Variants in LRATD1 observed in about 807,000 individuals in gnomAD.
LRATD1 encodes the protein LRAT domain containing 1, also known as protein LRATD1.
A neutral mutation model predicts 21.3 loss-of-function variants in LRATD1; 8 were observed. That is an observed-to-expected ratio of 0.38 (90% confidence interval 0.22 to 0.68). LRATD1 has a LOEUF of 0.68. Among genes scored for constraint, LRATD1 ranks in the 30% least tolerant of loss-of-function variants. The pLI is 0.54. For missense variants in LRATD1, 380 were observed against 404.0 expected (o/e 0.94, Z 0.51); for synonymous variants, 210 against 186.2 (o/e 1.13, Z -1.04).
At chr2:14,646,500 T>C (rs1671897379) in intron 4 of LRATD1, 1 of 152,178 alleles carries the variant, frequency 6.6e-6, no homozygotes, top group African/African-American at 2.4e-5. Context: ...TATTCATCAA[T>C]AAATACTATG....
chr2:14,636,115 G>A lies in LRATD1; in HGVS notation c.*1257G>A, dbSNP rs927599450. 3.4e-5 allele frequency: 6 copies of A among 176,512 alleles called. No individual in the cohort carries two copies. Among genetic ancestry groups the A allele is most frequent in the Non-Finnish European group, 6.8e-5 (5 of 73,068 alleles). 10.9% of individuals were successfully genotyped at this position (176,512 alleles called of 1,614,324 possible). A position where few individuals can be genotyped will look rare whatever the true frequency, so the allele number is the denominator to read the frequency against. ...TGTAGCTAAGAGCTTAGCTAACATT[G>A]CCTTTTCACTCTATTTTTCTCAGAT... is the stretch of plus-strand genomic sequence containing the variant. On this transcript the variant is annotated 3_prime_UTR_variant, in exon 2 of 2. Coordinates refer to ENST00000295092, the MANE Select transcript of LRATD1 (RefSeq NM_145175.4).
In LRATD1 at chr2:14,634,747, C is replaced by G; in HGVS notation, c.768C>G (p.Thr256=). 6.4e-7 allele frequency: 1 copy of G among 1,573,374 alleles called. No individual in the cohort carries two copies. The highest frequency in any genetic ancestry group is 2.3e-5 in the East Asian group (1 of 44,216). ...ACCTGGGAGAGAACAAGGTCCACAC[C>G]GCCAGGTTTCACAGCCTGGAAGACC... ...KVHLGENKVH[T]ARFHSLEDLI... The change falls in exon 2 of 2, where the codon ACC becomes ACG. Residue 256 remains threonine, a synonymous_variant. Transcript: ENST00000295092.
rs1671754507 is a variant in LRATD1, at chr2:14,639,077, T to C, written c.*4219T>C. On this transcript the variant is annotated 3_prime_UTR_variant, in exon 2 of 2. Transcript: ENST00000295092. The stretch of plus-strand genomic sequence containing the variant: ...ACTTGTGTACACATACATTTTTGCC[T>C]ATAGCTAGCAATTATTTCATTCAGA... The C allele has an allele frequency of 6.0e-6, 1 of 165,550 alleles. No homozygotes were observed. The highest frequency in any genetic ancestry group is 6.6e-5 in the Admixed American group (1 of 15,138). 10.3% of individuals were successfully genotyped at this position (165,550 alleles called of 1,614,324 possible). A position where few individuals can be genotyped will look rare whatever the true frequency, so the allele number is the denominator to read the frequency against.
chr2:14,634,665 G>A lies in LRATD1; in HGVS notation c.686G>A (p.Gly229Glu). The A allele has an allele frequency of 6.4e-7, 1 of 1,554,414 alleles. No homozygotes were observed. The highest frequency in any genetic ancestry group is 8.7e-7 in the Non-Finnish European group (1 of 1,148,202). The change falls in exon 2 of 2, where the codon GGA becomes GAA. Residue 229 changes from glycine (G) to glutamate (E), a missense_variant. Coordinates refer to ENST00000295092, the MANE Select transcript of LRATD1 (RefSeq NM_145175.4). ...TTTGGCAAGCGGGAGTTCAAGGCGG[G>A]AGGGGAGGTGCCGGCAGGCACGCAG... ...CRFGKREFKA[G>E]GEVPAGTQPP...
At position 14,633,250 on chromosome 2, in the gene LRATD1, C is replaced by T. The variant is rs1472990059; in HGVS notation, c.-37+313C>T. On this transcript the variant is annotated intron_variant, in intron 1 of 1. Coordinates refer to ENST00000295092, the MANE Select transcript of LRATD1 (RefSeq NM_145175.4). The surrounding 1 kb of genome is among the most constrained non-coding windows in gnomAD (Gnocchi z 7.5). Reference sequence around the variant, plus strand: ...GGGCAGGTGTGCCCGGGTGCTTGGGCGTACGTGCAACGGCGAGCGTGCAAG... The same window carrying T: ...GGGCAGGTGTGCCCGGGTGCTTGGGTGTACGTGCAACGGCGAGCGTGCAAG... Among the ~76,000 whole-genome samples, 2 of 152,168 alleles carry T rather than the reference C, an allele frequency of 1.3e-5. No homozygotes were observed. The highest frequency in any genetic ancestry group is 6.5e-5 in the Admixed American group (1 of 15,288).
At position 14,635,348 on chromosome 2, in the gene LRATD1, G is replaced by A; in HGVS notation, c.*490G>A. The A allele has an allele frequency of 2.1e-6, 1 of 476,456 alleles. No homozygotes were observed. The highest frequency in any genetic ancestry group is 1.5e-5 in the South Asian group (1 of 64,622). The allele number at this position is 476,456 out of a possible 1,614,324, so 29.5% of individuals were successfully genotyped here. ...CAGCTCCTCTGTGGATGCGTCCCCA[G>A]ATCGCAGGATTTCCAAGAAATCGAG... is the stretch of plus-strand genomic sequence containing the variant. On this transcript the variant is annotated 3_prime_UTR_variant, in exon 2 of 2. Transcript: ENST00000295092.
chr2:14,643,515 T>C (rs1179431692), downstream of LRATD1, among the ~76,000 whole-genome samples: 1 of 152,232 alleles, frequency 6.6e-6, no homozygotes, highest in African/African-American at 2.4e-5. Context: ...GGGAGCCATC[T>C]GTACTGGACC....
At chr2:14,641,681 C>T (rs114697672), downstream of LRATD1, among the ~76,000 whole-genome samples, 87 of 152,302 alleles carry the variant, frequency 5.7e-4, no homozygotes, top group African/African-American at 2.0e-3. Flanking sequence ...CTATCTTCAC[C>T]GACTTGCATT....
chr2:14,634,464 G>T lies in LRATD1; in HGVS notation c.485G>T (p.Arg162Leu), dbSNP rs762722124. Residue 162 changes from arginine to leucine, a missense_variant, in exon 2 of 2, where the codon CGC (arginine) becomes CTC (leucine). Physicochemically the swap from Arg to Leu is moderately radical, Grantham distance 102. Coordinates refer to ENST00000295092, the MANE Select transcript of LRATD1 (RefSeq NM_145175.4). ...ATCCACCTGCACCAAGGCGAGATCC[G>T]CCAGGACAGCCTGTATGAGGCGGGC... is the stretch of plus-strand genomic sequence containing the variant. ...QIIHLHQGEI[R>L]QDSLYEAGAA... 1.2e-5 allele frequency: 18 copies of T among 1,519,714 alleles called. No individual in the cohort carries two copies. The highest frequency in any genetic ancestry group is 2.2e-5 in the Admixed American group (1 of 45,610). 94.1% of individuals were successfully genotyped at this position (1,519,714 alleles called of 1,614,324 possible). A position where few individuals can be genotyped will look rare whatever the true frequency, so the allele number is the denominator to read the frequency against.
Position 14,634,383 on chromosome 2 carries a change from C to T in LRATD1, c.404C>T (p.Pro135Leu), listed in dbSNP as rs1204802182. 4 of 1,546,922 alleles carry T rather than the reference C, an allele frequency of 2.6e-6. No homozygotes were observed. The highest frequency in any genetic ancestry group is 2.4e-5 in the East Asian group (1 of 42,320). ...GAGCTGCTGTGGCTGCAGCCCGCGC[C>T]GGAGCCGCCCGCGCCCGCCCCGCAC... ...LLELLWLQPAPEPPAPAPHWA... is the reference protein window; with the variant it reads ...LLELLWLQPALEPPAPAPHWA... The change falls in exon 2 of 2, where the codon CCG becomes CTG. Residue 135 changes from proline (P) to leucine (L), a missense_variant. Transcript: ENST00000295092.
downstream of LRATD1, among the ~76,000 whole-genome samples, chr2:14,643,438 C>G (rs988299810): frequency 2.6e-5 from 4 of 152,180 alleles, no homozygotes; most frequent in Non-Finnish European, 4.4e-5. Context: ...TCCGGTACTC[C>G]CCTCCTCCAA....
downstream of LRATD1, among the ~76,000 whole-genome samples, chr2:14,651,596 GAT>G (rs1672007084): frequency 6.6e-6 from 1 of 152,128 alleles, no homozygotes; most frequent in South Asian, 2.1e-4. Flanking sequence ...GTTGCAAAGT[GAT>G]ATCTCATGGT....
In LRATD1 at chr2:14,636,357, G is replaced by A. The variant is rs994697057; in HGVS notation, c.*1499G>A. The stretch of plus-strand genomic sequence containing the variant: ...TATATCATTACCATTTCACATACGC[G>A]TTTCTATTTTTCTTCCTCTCCTCCT... On this transcript the variant is annotated 3_prime_UTR_variant, in exon 2 of 2. Coordinates refer to ENST00000295092, the MANE Select transcript of LRATD1 (RefSeq NM_145175.4). 1.2e-5 allele frequency: 2 copies of A among 166,940 alleles called. No homozygotes were observed. Among genetic ancestry groups the A allele is most frequent in the African/African-American group, 2.4e-5 (1 of 41,408 alleles). The allele number at this position is 166,940 out of a possible 1,614,324, so 10.3% of individuals were successfully genotyped here. A position where few individuals can be genotyped will look rare whatever the true frequency, so the allele number is the denominator to read the frequency against.
In LRATD1 at chr2:14,636,901, A is replaced by G. The variant is rs1671700545; in HGVS notation, c.*2043A>G. 2 of 166,678 alleles carry G rather than the reference A, an allele frequency of 1.2e-5. No homozygotes were observed. Among genetic ancestry groups the G allele is most frequent in the Admixed American group, 6.6e-5 (1 of 15,242 alleles). 10.3% of individuals were successfully genotyped at this position (166,678 alleles called of 1,614,324 possible). ...GTTTTCATCCTGGATTCATCCCCTG[A>G]TCTTAAATCAAAACGTCAGATCAAT... On this transcript the variant is annotated 3_prime_UTR_variant, in exon 2 of 2. Coordinates refer to ENST00000295092, the MANE Select transcript of LRATD1 (RefSeq NM_145175.4).
At chr2:14,648,603 C>T (rs924856640) in intron 4 of LRATD1, among the ~76,000 whole-genome samples, 1 of 152,128 alleles carries the variant, frequency 6.6e-6, no homozygotes, top group African/African-American at 2.4e-5. Context: ...TAACCTTTGT[C>T]AAACCCCTGT....
At position 14,639,894 on chromosome 2, in the gene LRATD1, C is replaced by T. The variant is rs1671776128; in HGVS notation, c.*5036C>T. ...TGCAAAGGCGAGCCTAAAGAAATTT[C>T]TCTAACCAAAATTGGCAGGTTCTTT... On this transcript the variant is annotated 3_prime_UTR_variant, in exon 2 of 2. Transcript: ENST00000295092. 1 of 167,156 alleles carries T rather than the reference C, an allele frequency of 6.0e-6. No individual in the cohort carries two copies. The highest frequency in any genetic ancestry group is 1.5e-5 in the Non-Finnish European group (1 of 68,146). The allele number at this position is 167,156 out of a possible 1,614,324, so 10.4% of individuals were successfully genotyped here. A position where few individuals can be genotyped will look rare whatever the true frequency, so the allele number is the denominator to read the frequency against.
chr2:14,634,630 C>T lies in LRATD1; in HGVS notation c.651C>T (p.Ala217=). The T allele has an allele frequency of 6.5e-7, 1 of 1,541,010 alleles. No individual in the cohort carries two copies. The highest frequency in any genetic ancestry group is 8.8e-7 in the Non-Finnish European group (1 of 1,141,286). The change falls in exon 2 of 2, where the codon GCC becomes GCT. Residue 217 remains alanine (A), a synonymous_variant. Coordinates refer to ENST00000295092, the MANE Select transcript of LRATD1 (RefSeq NM_145175.4). ...ICWTNSESFA[A]WCRFGKREFK... ...GGACGAACTCGGAGAGCTTCGCCGCCTGGTGCCGCTTTGGCAAGCGGGAGT... is the reference window on the plus strand; with the variant it reads ...GGACGAACTCGGAGAGCTTCGCCGCTTGGTGCCGCTTTGGCAAGCGGGAGT...
At chr2:14,643,467 G>A (rs1671839497), downstream of LRATD1, among the ~76,000 whole-genome samples, 1 of 152,150 alleles carries the variant, frequency 6.6e-6, no homozygotes, top group South Asian at 2.1e-4. Context: ...CCCAGCCTCT[G>A]AAGCTTCATC....
At position 14,633,852 on chromosome 2, in the gene LRATD1, C is replaced by T; in HGVS notation, c.-36-92C>T. 1 of 1,243,364 alleles carries T rather than the reference C, an allele frequency of 8.0e-7. No individual in the cohort carries two copies. The highest frequency in any genetic ancestry group is 1.1e-6 in the Non-Finnish European group (1 of 905,354). 77.0% of individuals were successfully genotyped at this position (1,243,364 alleles called of 1,614,324 possible). On this transcript the variant is annotated intron_variant, in intron 1 of 1. Coordinates refer to ENST00000295092, the MANE Select transcript of LRATD1 (RefSeq NM_145175.4). This position sits in a 1 kb window ranked among gnomAD's most constrained non-coding sequence, Gnocchi z 7.5. ...CGGTGAGGGCACGTAAGCTAGCCGG[C>T]AGGTCCCAGGGGCACTGCACGTCTT... is the stretch of plus-strand genomic sequence containing the variant.
Sources: allele counts gnomAD v4.1 joint callset (sites outside exome capture counted in the v4.1 genomes callset), GRCh38; gene constraint gnomAD v4.1.1; non-coding constraint Gnocchi (gnomAD v3.1); transcripts MANE v1.5; gene names NCBI Gene and HGNC (gene_info 2026-07-23, HGNC 2026-07-21).